PXDNL: variants seen among roughly 807,000 people sequenced by gnomAD.
PXDNL encodes probable oxidoreductase PXDNL.
Under a neutral mutation model 150.8 loss-of-function variants are expected in PXDNL, and 145 were observed. The observed-to-expected ratio is 0.96, with a 90% CI of 0.84 to 1.10. The LOEUF is 1.10. Ranked by LOEUF, PXDNL falls within the 50% of genes least tolerant of loss-of-function variation. The probability of loss-of-function intolerance (pLI) is 0.00; values close to 1 mark genes in which losing one functional copy is unlikely to be tolerated. For missense variants in PXDNL, 2,087 were observed against 1,873.9 expected (o/e 1.11, Z -2.10); for synonymous variants, 757 against 725.7 (o/e 1.04, Z -0.69).
intron 1 of PXDNL, among the ~76,000 whole-genome samples, chr8:51,678,975 G>A (rs1253613104): frequency 6.6e-6 from 1 of 152,184 alleles, no homozygotes; most frequent in Non-Finnish European, 1.5e-5. Context: ...GTTGTTCTAA[G>A]TTCTGGAGAA....
At position 51,343,528 on chromosome 8, in the gene PXDNL, G is replaced by A. The variant is rs182441062; in HGVS notation, c.4016+2305C>T. On this transcript the variant is annotated intron_variant, in intron 20 of 22. Coordinates refer to ENST00000356297, the MANE Select transcript of PXDNL (RefSeq NM_144651.5). ...TAAAATTAGCCAATCTTTAGCTGAG[G>A]CAACATCTGAGCTGGGCTTCAATGG... 3.3e-5 allele frequency among the ~76,000 whole-genome samples: 5 copies of A among 152,288 alleles called. No individual in the cohort carries two copies. In the East Asian group the frequency reaches 7.7e-4, roughly 24 times the overall value.
rs563839500 is a variant in PXDNL at position 51,489,380 on chromosome 8, A to G, written c.453-5666T>C. Among the ~76,000 whole-genome samples, 7 of 152,316 alleles carry G rather than the reference A, an allele frequency of 4.6e-5. No homozygotes were observed. In the South Asian group the frequency reaches 1.0e-3, roughly 23 times the overall value. ...ACTCAGGATGGAGTACAGTGGCCCA[A>G]TCATGGTTCATTGCAGCCTCAACCT... is the stretch of plus-strand genomic sequence containing the variant. On this transcript the variant is annotated intron_variant, in intron 5 of 22. Transcript: ENST00000356297.
chr8:51,697,333 G>A (rs1432225937), intron 1 of PXDNL, among the ~76,000 whole-genome samples: 1 of 151,900 alleles, frequency 6.6e-6, no homozygotes, highest in Non-Finnish European at 1.5e-5. Flanking sequence ...GTGAGGGGAA[G>A]AAATATACTA....
At chr8:51,809,104 T>A (rs2037707625) in intron 1 of PXDNL, 77 bp downstream of exon 1, 6 of 1,488,270 alleles carry the variant, frequency 4.0e-6, no homozygotes, top group Non-Finnish European at 5.6e-6. Context: ...AATCGTAAAT[T>A]AAAAGGACAC....
chr8:51,575,726 C>CA (rs1395207137), intron 3 of PXDNL, among the ~76,000 whole-genome samples: 1 of 151,694 alleles, frequency 6.6e-6, no homozygotes, highest in Non-Finnish European at 1.5e-5. Flanking sequence ...AAGAAAAAGA[C>CA]AAAGATTGGC....
chr8:51,386,267 ATT>A (rs1415729889), intron 17 of PXDNL, among the ~76,000 whole-genome samples: 10 of 152,018 alleles, frequency 6.6e-5, no homozygotes, highest in African/African-American at 2.4e-4. Context: ...TAATTTTTGT[ATT>A]TTTAGTAGAG....
intron 1 of PXDNL, among the ~76,000 whole-genome samples, chr8:51,741,321 T>C (rs1391430627): frequency 1.3e-5 from 2 of 152,206 alleles, no homozygotes; most frequent in Admixed American, 1.3e-4. Flanking sequence ...TCTTTGTATG[T>C]CTCTAAGAAC....
intron 2 of PXDNL, among the ~76,000 whole-genome samples, chr8:51,633,079 A>T (rs1426251453): frequency 6.6e-6 from 1 of 152,018 alleles, no homozygotes; most frequent in Non-Finnish European, 1.5e-5. Context: ...CCCCCGTGTC[A>T]ATTTGTTCCC....
At chr8:51,577,790 C>G (rs1021366490) in intron 3 of PXDNL, among the ~76,000 whole-genome samples, 1 of 150,382 alleles carries the variant, frequency 6.6e-6, no homozygotes, top group Non-Finnish European at 1.5e-5. Flanking sequence ...TGGTTTAAGA[C>G]TGAATCCTTC....
intron 17 of PXDNL, among the ~76,000 whole-genome samples, chr8:51,377,009 G>A (rs910758178): frequency 2.0e-5 from 3 of 151,776 alleles, no homozygotes; most frequent in East Asian, 1.9e-4. Context: ...GAGCCACCGC[G>A]CCCAGCCTTG....
rs114036018 is a variant in PXDNL at position 51,557,050 on chromosome 8, A to T, written c.309-139T>A. 8.4e-3 allele frequency: 4,939 copies of T among 591,472 alleles called. 182 individuals carry two copies. The highest frequency in any genetic ancestry group is 0.076 in the African/African-American group (4,052 of 53,454). The allele number at this position is 591,472 out of a possible 1,614,324, so 36.6% of individuals were successfully genotyped here. ...ATAGATTCTCTAACAATATATAGAA[A>T]CTGTTATTTCACTTAAATGTGTTCA... is the stretch of plus-strand genomic sequence containing the variant. On this transcript the variant is annotated intron_variant, in intron 3 of 22. Transcript: ENST00000356297.
At chr8:51,733,401 T>C (rs905485569) in intron 1 of PXDNL, among the ~76,000 whole-genome samples, 2 of 152,226 alleles carry the variant, frequency 1.3e-5, no homozygotes, top group African/African-American at 4.8e-5. Flanking sequence ...GCACACCCTA[T>C]GTTTTAGTTT....
intron 14 of PXDNL, among the ~76,000 whole-genome samples, chr8:51,416,428 T>C (rs72637831): frequency 0.063 from 9,613 of 152,302 alleles, 436 homozygotes; most frequent in Middle Eastern, 0.11. Flanking sequence ...TATAGTTGTA[T>C]AAGATTTACA....
At chr8:51,514,152 T>C (rs542735054) in intron 4 of PXDNL, among the ~76,000 whole-genome samples, 2 of 152,326 alleles carry the variant, frequency 1.3e-5, no homozygotes, top group East Asian at 1.9e-4. Flanking sequence ...TTGCATTGCA[T>C]TGAGAATAAA....
At position 51,673,207 on chromosome 8, in the gene PXDNL, A is replaced by G. The variant is rs1815536054; in HGVS notation, c.165-18447T>C. Among the ~76,000 whole-genome samples, 3 of 152,234 alleles carry G rather than the reference A, an allele frequency of 2.0e-5. No homozygotes were observed. The South Asian group carries it at 6.2e-4, about 32-fold the overall frequency. ...TATTTAATGATGTGGGGAAATGTTC[A>G]CAACATAAAATGTAGTTCTGAAAAT... On this transcript the variant is annotated intron_variant, in intron 1 of 22. Coordinates refer to ENST00000356297, the MANE Select transcript of PXDNL (RefSeq NM_144651.5).
intron 19 of PXDNL, among the ~76,000 whole-genome samples, chr8:51,352,875 C>T (rs182116427): frequency 1.1e-4 from 16 of 152,236 alleles, no homozygotes; most frequent in Non-Finnish European, 1.9e-4. Context: ...AGCACATATT[C>T]TCACTTATGA....
chr8:51,597,651 TTGTG>T (rs71550272), intron 2 of PXDNL, among the ~76,000 whole-genome samples: 6 of 149,906 alleles, frequency 4.0e-5, no homozygotes, highest in African/African-American at 7.3e-5. Flanking sequence ...CTCTAAGTAT[TTGTG>T]TGTGTGTGTG....
chr8:51,609,285 G>A (rs988706448), intron 2 of PXDNL, among the ~76,000 whole-genome samples: 14 of 152,144 alleles, frequency 9.2e-5, no homozygotes, highest in Non-Finnish European at 2.1e-4. Flanking sequence ...TTGTACATAA[G>A]AATAAAAAAC....
chr8:51,761,522 AT>A lies in PXDNL; in HGVS notation c.164+47658del, dbSNP rs1449429905. ...ATTAAGGCTATGCCTCACCGTATTT[AT>A]GTATGCATATACAAACATGTATAAT... On this transcript the variant is annotated intron_variant, in intron 1 of 22. Transcript: ENST00000356297. 7.2e-5 allele frequency among the ~76,000 whole-genome samples: 11 copies of A among 152,354 alleles called. No individual in the cohort carries two copies. The South Asian group carries it at 2.3e-3, about 32-fold the overall frequency.
Sources: allele counts gnomAD v4.1 joint callset (sites outside exome capture counted in the v4.1 genomes callset), GRCh38; gene constraint gnomAD v4.1.1; transcripts MANE v1.5; gene names NCBI Gene and HGNC (gene_info 2026-07-23, HGNC 2026-07-21).